Variants in PRAMEF5 observed in about 807,000 individuals in gnomAD.
PRAMEF5 encodes the protein PRAME family member 23.
Under a neutral mutation model 16.4 loss-of-function variants are expected in PRAMEF5, and 5 were observed. That is an observed-to-expected ratio of 0.30 (90% CI 0.16 to 0.64). The LOEUF is 0.64. PRAMEF5 is among the 30% of genes least tolerant of loss of function. The probability of loss-of-function intolerance (pLI) is 0.80; values close to 1 mark genes in which losing one functional copy is unlikely to be tolerated. For synonymous variants in PRAMEF5, 19 were observed against 107.3 expected (o/e 0.18, Z 5.09); for missense variants, 36 against 282.9 (o/e 0.13, Z 6.26).
intron 3 of PRAMEF5, chr1:13,262,161 A>C (rs1258823852): frequency 8.0e-6 from 1 of 124,398 alleles, no homozygotes; most frequent in Non-Finnish European, 1.7e-5. Flanking sequence ...TCCTGGGTTC[A>C]AGCGATTCTT....
chr1:13,260,025 G>A lies in PRAMEF5; in HGVS notation c.288-197G>A. 6.1e-6 allele frequency: 5 copies of A among 814,796 alleles called. No individual in the cohort carries two copies. In the South Asian group the frequency reaches 7.3e-5, roughly 12 times the overall value. The allele number at this position is 814,796 out of a possible 1,614,324, so 50.5% of individuals were successfully genotyped here. A position where few individuals can be genotyped will look rare whatever the true frequency, so the allele number is the denominator to read the frequency against. On this transcript the variant is annotated intron_variant, in intron 2 of 3. Coordinates refer to ENST00000622421, the Ensembl canonical transcript of PRAMEF5. Reference sequence around the variant, plus strand: ...CATCACACCACTGCACTCCAGCCTGGGCGACAGAGGGAGACGTGGTCTCAA... The same window carrying A: ...CATCACACCACTGCACTCCAGCCTGAGCGACAGAGGGAGACGTGGTCTCAA...
intron 1 of PRAMEF5, chr1:13,256,286 T>TA (rs1322318650): frequency 7.0e-6 from 1 of 142,902 alleles, no homozygotes; most frequent in Admixed American, 7.1e-5. Flanking sequence ...TAGCAGCGGA[T>TA]ATGTGCAGGG....
chr1:13,255,942 T>G (rs1263278275), intron 1 of PRAMEF5: 1 of 148,616 alleles, frequency 6.7e-6, no homozygotes, highest in African/African-American at 2.4e-5. Flanking sequence ...CCACCGCAAC[T>G]GGCTAATTTT....
exon 3 of PRAMEF5, chr1:13,260,651 C>A: frequency 2.1e-6 from 1 of 474,802 alleles, no homozygotes; most frequent in Non-Finnish European, 3.5e-6. Context: ...AGCTCGTTCT[C>A]TCCCACATGG....
rs1191666956 is a variant in PRAMEF5, at chr1:13,260,164, G to C, written c.288-58G>C. ...GGGAGGAGCTGCTCTCCAGGATGTGGAGTTTAAGTTCAGAAATGAGTTCTG... is the reference window on the plus strand; with the variant it reads ...GGGAGGAGCTGCTCTCCAGGATGTGCAGTTTAAGTTCAGAAATGAGTTCTG... On this transcript the variant is annotated intron_variant, in intron 2 of 3. Coordinates refer to ENST00000622421, the Ensembl canonical transcript of PRAMEF5. 14 of 1,555,434 alleles carry C rather than the reference G, an allele frequency of 9.0e-6. 1 individual carries two copies. The East Asian group carries it at 3.0e-4, about 34-fold the overall frequency.
In PRAMEF5 at chr1:13,262,424, C is replaced by G; in HGVS notation, c.870-126C>G. On this transcript the variant is annotated intron_variant, in intron 3 of 3. Coordinates refer to ENST00000622421, the Ensembl canonical transcript of PRAMEF5. Reference sequence around the variant, plus strand: ...ACACATCATCCTAAATGTTGACCATCAGGCCATCAGAATGACCCTGGACTT... The same window carrying G: ...ACACATCATCCTAAATGTTGACCATGAGGCCATCAGAATGACCCTGGACTT... 2 of 507,676 alleles carry G rather than the reference C, an allele frequency of 3.9e-6. 1 individual carries two copies. The highest frequency in any genetic ancestry group is 5.6e-6 in the Non-Finnish European group (2 of 354,728). 31.4% of individuals were successfully genotyped at this position (507,676 alleles called of 1,614,324 possible).
In PRAMEF5 at chr1:13,259,565, C is replaced by G. The variant is rs1245858409; in HGVS notation, c.287+10C>G. On this transcript the variant is annotated intron_variant, in intron 2 of 3. Coordinates refer to ENST00000622421, the Ensembl canonical transcript of PRAMEF5. Reference sequence around the variant, plus strand: ...AAGGGGTTCATCCCAGGTGAGGTGGCCCAGGTGGGCTGGTGGGGAGGGCCC... The same window carrying G: ...AAGGGGTTCATCCCAGGTGAGGTGGGCCAGGTGGGCTGGTGGGGAGGGCCC... 2.7e-5 allele frequency: 1 copy of G among 37,260 alleles called. No individual in the cohort carries two copies. The highest frequency in any genetic ancestry group is 4.4e-5 in the Non-Finnish European group (1 of 22,642). The allele number at this position is 37,260 out of a possible 1,614,324, so 2.3% of individuals were successfully genotyped here.
intron 1 of PRAMEF5, chr1:13,255,776 CTTTTTTTTTTTTTTTTTTT>C (rs1174990976): frequency 5.1e-4 from 11 of 21,678 alleles, no homozygotes; most frequent in East Asian, 2.9e-3. Context: ...TTTTCTTTTT[CTTTTTTTTTTTTTTTTTTT>C]TTTTTTTTTT....
chr1:13,263,271 T>G, exon 4 of PRAMEF5: 1 of 1,237,780 alleles, frequency 8.1e-7, no homozygotes, highest in Admixed American at 2.3e-5. Context: ...GGGGCAGGAC[T>G]TGGGGGAAGT....
chr1:13,255,776 C>CTTTTTTTTTTTTT (rs1174990976), intron 1 of PRAMEF5: 1 of 21,666 alleles, frequency 4.6e-5, no homozygotes, highest in African/African-American at 1.0e-4. Flanking sequence ...TTTTCTTTTT[C>CTTTTTTTTTTTTT]TTTTTTTTTT....
At chr1:13,262,081 A>C (rs1639399085) in intron 3 of PRAMEF5, 2 of 168,868 alleles carry the variant, frequency 1.2e-5, no homozygotes, top group African/African-American at 5.2e-5. Context: ...TTTTTTTTTA[A>C]TGCGGAGTCT....
chr1:13,258,604 A>AGG (rs1639346819), intron 1 of PRAMEF5: 1 of 160,836 alleles, frequency 6.2e-6, no homozygotes, highest in Non-Finnish European at 1.4e-5. Flanking sequence ...CCCTGTCAGA[A>AGG]AGAGTGAGAG....
At position 13,260,576 on chromosome 1, in the gene PRAMEF5, CA is replaced by C. The variant is rs1639386079; in HGVS notation, c.644del (p.Lys215SerfsTer7). The C allele has an allele frequency of 4.1e-6, 3 of 726,606 alleles. No individual in the cohort carries two copies. The highest frequency in any genetic ancestry group is 6.3e-6 in the Non-Finnish European group (3 of 479,512). 45.0% of individuals were successfully genotyped at this position (726,606 alleles called of 1,614,324 possible). ...GTATCCAGGAGGTGGAAGTGAATTG[CA>C]AGTGGGTACTGCCCATCCTGACACA... On this transcript the variant is annotated frameshift_variant, in exon 3 of 4. Coordinates refer to ENST00000622421, the Ensembl canonical transcript of PRAMEF5. LOFTEE classifies it high-confidence loss of function.
intron 2 of PRAMEF5, 54 bp from the exon 3 acceptor site, chr1:13,260,168 T>A: frequency 6.4e-7 from 1 of 1,558,634 alleles, no homozygotes; most frequent in Non-Finnish European, 8.8e-7. Flanking sequence ...GATGTGGAGT[T>A]TAAGTTCAGA....
chr1:13,260,331 A>T lies in PRAMEF5; in HGVS notation c.397A>T (p.Lys133Ter). 1.2e-6 allele frequency: 2 copies of T among 1,601,460 alleles called. No individual in the cohort carries two copies. Among genetic ancestry groups the T allele is most frequent in the Middle Eastern group, 1.8e-4 (1 of 5,436 alleles). Reference sequence around the variant, plus strand: ...CTTCCTCAATGCCAAGAGGAACAAAAAACCAGTGCAGGACTGTCCAAGGAT... The same window carrying T: ...CTTCCTCAATGCCAAGAGGAACAAATAACCAGTGCAGGACTGTCCAAGGAT... Residue 133 changes from lysine (K) to a stop codon, truncating the protein, a stop_gained, in exon 3 of 4, where the codon AAA (lysine) becomes TAA (stop). Coordinates refer to ENST00000622421, the Ensembl canonical transcript of PRAMEF5. LOFTEE classifies it high-confidence loss of function.
At position 13,260,277 on chromosome 1, in the gene PRAMEF5, GT is replaced by G. The variant is rs777845007; in HGVS notation, c.346del (p.Trp116GlyfsTer26). ...GGATGTCTGTGAGAACTTCTGGATG[GT>G]TTGGTCTGAAGCTATGGCCCATGGG... On this transcript the variant is annotated frameshift_variant, in exon 3 of 4. Transcript: ENST00000622421. LOFTEE classifies it high-confidence loss of function. The G allele has an allele frequency of 1.1e-5, 18 of 1,588,768 alleles. No individual in the cohort carries two copies. The Admixed American group carries it at 3.0e-4, about 27-fold the overall frequency.
In PRAMEF5 at chr1:13,260,206, C is replaced by A. The variant is rs587720566; in HGVS notation, c.288-16C>A. The A allele has an allele frequency of 1.4e-5, 22 of 1,570,172 alleles. No individual in the cohort carries two copies. The Admixed American group carries it at 2.9e-4, about 20-fold the overall frequency. On this transcript the variant is annotated splice_polypyrimidine_tract_variant and intron_variant, in intron 2 of 3. Transcript: ENST00000622421. ...TGAGTTCTGAAATTCTCATTCTCAC[C>A]TCTATTTTCCCACAGGAGGTGGAAA...
chr1:13,256,284 G>A (rs1467695301), intron 1 of PRAMEF5: 1 of 143,154 alleles, frequency 7.0e-6, no homozygotes, highest in African/African-American at 2.4e-5. Flanking sequence ...GGTAGCAGCG[G>A]ATATGTGCAG....
At chr1:13,255,756 T>TCTC in intron 1 of PRAMEF5, 1 of 42,002 alleles carries the variant, frequency 2.4e-5, no homozygotes, top group African/African-American at 5.7e-5. Context: ...TCTAGCTCTC[T>TCTC]CTCTCTCCTT....
Sources: allele counts gnomAD v4.1 joint callset, GRCh38; gene constraint gnomAD v4.1.1; transcripts MANE v1.5; gene names NCBI Gene and HGNC (gene_info 2026-07-23, HGNC 2026-07-21).